Variants in SHROOM2 observed in about 807,000 individuals in gnomAD.
The protein encoded by SHROOM2 is shroom family member 2, also known as protein Shroom2.
In SHROOM2, 33 loss-of-function variants were observed where a neutral mutation model predicts 75.9. The ratio of observed to expected loss-of-function variants is 0.43; its 90% CI spans 0.33 to 0.58. SHROOM2 has a LOEUF of 0.58. Ranked by LOEUF, SHROOM2 falls within the 20% of genes least tolerant of loss-of-function variation. The pLI is 0.04. For missense variants in SHROOM2, 1,434 were observed against 1,461.2 expected (o/e 0.98, Z 0.30); for synonymous variants, 655 against 663.6 (o/e 0.99, Z 0.20).
At chrX:9,897,865 T>G (rs778414348) in intron 4 of SHROOM2, among the ~76,000 whole-genome samples, 7 of 111,867 alleles carry the variant, frequency 6.3e-5, no homozygotes, top group Non-Finnish European at 1.3e-4. Context: ...CCTCTGAGAA[T>G]TCCATGCTTG....
At chrX:9,836,350 C>T (rs758174652) in intron 1 of SHROOM2, among the ~76,000 whole-genome samples, 72 of 111,506 alleles carry the variant, frequency 6.5e-4, no homozygotes, top group African/African-American at 2.2e-3. Flanking sequence ...ACATAGACAG[C>T]GCTCAACAGA....
At chrX:9,944,166 TTAAA>T (rs2084796175) in intron 8 of SHROOM2, among the ~76,000 whole-genome samples, 2 of 112,013 alleles carry the variant, frequency 1.8e-5, no homozygotes, top group Non-Finnish European at 3.8e-5. Context: ...AAAATAAAAA[TTAAA>T]TAAATAAAAA....
chrX:9,875,004 C>G (rs1267128401), intron 2 of SHROOM2, among the ~76,000 whole-genome samples: 1 of 90,738 alleles, frequency 1.1e-5, no homozygotes, highest in Non-Finnish European at 2.1e-5. Flanking sequence ...TTCTTTGAGC[C>G]TGGGAGGTCG....
In SHROOM2 at chrX:9,894,809, G is replaced by A; in HGVS notation, c.901G>A (p.Val301Ile). The stretch of plus-strand genomic sequence containing the variant: ...CCCTGGGAGGTCCAATTTTGGGCCA[G>A]TCTGGTATGTTCCCGATAAGAAGAA... ...AAPGRSNFGP[V>I]WYVPDKKKAP... Residue 301 changes from valine to isoleucine, a missense_variant, in exon 4 of 10, where the codon GTC becomes ATC. Physicochemically the swap from Val to Ile is conservative, Grantham distance 29. This residue lies in a region of SHROOM2 where 1,340 missense variants were observed against 1,338.3 expected (regional missense o/e 1.00). Transcript: ENST00000380913. 2.5e-6 allele frequency: 3 copies of A among 1,212,131 alleles called. No homozygotes were observed. The highest frequency in any genetic ancestry group is 5.9e-5 in the East Asian group (2 of 33,838).
intron 1 of SHROOM2, 97 bp downstream of exon 1, chrX:9,786,807 C>T (rs1483242838): frequency 9.1e-6 from 6 of 658,799 alleles, no homozygotes; most frequent in African/African-American, 2.4e-5. Context: ...TAGGCTCGCG[C>T]CCCCGGGTCT....
intron 5 of SHROOM2, among the ~76,000 whole-genome samples, chrX:9,908,976 A>AAATAAATAAATAAATAAATAAAT (rs2084406549): frequency 2.6e-5 from 2 of 76,068 alleles, no homozygotes; most frequent in Non-Finnish European, 5.6e-5. Context: ...AATAAATAAA[A>AAATAAATAAATAAATAAATAAAT]ACAAAAATAA....
At chrX:9,880,835 A>G (rs1487148998) in intron 2 of SHROOM2, among the ~76,000 whole-genome samples, 1 of 111,524 alleles carries the variant, frequency 9.0e-6, no homozygotes, top group Non-Finnish European at 1.9e-5. Flanking sequence ...ACCCACACAC[A>G]CTCAAACCCC....
rs1274481021 is a variant in SHROOM2 at position 9,891,018 on chromosome X, C to G, written c.359C>G (p.Thr120Ser). Reference sequence around the variant, plus strand: ...TGGAGGCCTCACTCCTGGCATGCCACCAAGTTCTCTGACAGCCACCCCGAG... The same window carrying G: ...TGGAGGCCTCACTCCTGGCATGCCAGCAAGTTCTCTGACAGCCACCCCGAG... ...LGWRPHSWHA[T>S]KFSDSHPELA... The change falls in exon 3 of 10, where the codon ACC becomes AGC. Residue 120 changes from threonine (T) to serine (S), a missense_variant. Thr to Ser is a moderately conservative substitution (Grantham distance 58). This residue lies in a region of SHROOM2 where 1,340 missense variants were observed against 1,338.3 expected (regional missense o/e 1.00). Transcript: ENST00000380913. The G allele has an allele frequency of 5.8e-6, 7 of 1,204,226 alleles. No individual in the cohort carries two copies. The Admixed American group carries it at 1.3e-4, about 23-fold the overall frequency.
Position 9,947,882 on chromosome X carries a change from C to G in SHROOM2, c.*945C>G, listed in dbSNP as rs976705682. On this transcript the variant is annotated 3_prime_UTR_variant, in exon 10 of 10. Coordinates refer to ENST00000380913, the MANE Select transcript of SHROOM2 (RefSeq NM_001649.4). ...TGGCATGAGGGCCACATTCCATGGA[C>G]GGGAAGACCCCTTCCTCTTCAGAGG... The G allele has an allele frequency of 8.9e-6, 1 of 112,274 alleles. No individual in the cohort carries two copies. The highest frequency in any genetic ancestry group is 1.9e-5 in the Non-Finnish European group (1 of 53,322). The allele number at this position is 112,274 out of a possible 1,213,427, so 9.3% of individuals were successfully genotyped here. A position where few individuals can be genotyped will look rare whatever the true frequency, so the allele number is the denominator to read the frequency against.
chrX:9,905,262 C>G (rs1182987019), intron 5 of SHROOM2, among the ~76,000 whole-genome samples: 1 of 112,895 alleles, frequency 8.9e-6, no homozygotes, highest in Non-Finnish European at 1.9e-5. Context: ...TTTAGCTCAT[C>G]TGTTTTCTGA....
chrX:9,817,331 A>G (rs1169382431), intron 1 of SHROOM2, among the ~76,000 whole-genome samples: 1 of 109,489 alleles, frequency 9.1e-6, no homozygotes, highest in East Asian at 2.8e-4. Context: ...TTGTAATTTA[A>G]ATCATAAGGG....
intron 7 of SHROOM2, among the ~76,000 whole-genome samples, chrX:9,938,591 C>G: frequency 8.9e-6 from 1 of 112,339 alleles, no homozygotes; most frequent in Non-Finnish European, 1.9e-5. Flanking sequence ...CAATTTACAC[C>G]TGCCTGAACA....
At chrX:9,913,024 C>G (rs1451407368) in intron 5 of SHROOM2, 1 of 112,620 alleles carries the variant, frequency 8.9e-6, no homozygotes. Context: ...GAGCCATCAT[C>G]TGCTCTGATG....
chrX:9,896,519 G>C lies in SHROOM2; in HGVS notation c.2611G>C (p.Gly871Arg). ...GACTTCAGACCTGCCGCGGAGGCTC[G>C]GCACCTTTGCAGAGTATCAGGCCTC... ...AGTSDLPRRL[G>R]TFAEYQASWK... The change falls in exon 4 of 10, where the codon GGC becomes CGC. Residue 871 changes from glycine (G) to arginine (R), a missense_variant. Coordinates refer to ENST00000380913, the MANE Select transcript of SHROOM2 (RefSeq NM_001649.4). 1 of 1,210,611 alleles carries C rather than the reference G, an allele frequency of 8.3e-7. No individual in the cohort carries two copies. The highest frequency in any genetic ancestry group is 1.8e-5 in the South Asian group (1 of 56,802).
At chrX:9,929,950 C>T (rs1224896132) in intron 5 of SHROOM2, among the ~76,000 whole-genome samples, 10 of 111,347 alleles carry the variant, frequency 9.0e-5, no homozygotes, top group Non-Finnish European at 5.7e-5. Flanking sequence ...TTTCTCTTGC[C>T]ACTGCCATGT....
At chrX:9,929,391 G>A (rs1023739213) in intron 5 of SHROOM2, among the ~76,000 whole-genome samples, 13 of 111,922 alleles carry the variant, frequency 1.2e-4, no homozygotes, top group African/African-American at 2.6e-4. Flanking sequence ...GGGAAGTGAC[G>A]ATGCAGCACA....
intron 1 of SHROOM2, among the ~76,000 whole-genome samples, chrX:9,869,977 C>T (rs1426292628): frequency 9.0e-6 from 1 of 111,434 alleles, no homozygotes; most frequent in Non-Finnish European, 1.9e-5. Context: ...CAGCACTTTG[C>T]GAGGCCAAGG....
At chrX:9,859,074 C>T (rs1187228588) in intron 1 of SHROOM2, among the ~76,000 whole-genome samples, 3 of 110,452 alleles carry the variant, frequency 2.7e-5, no homozygotes, top group South Asian at 3.9e-4. Context: ...ATTAGCTGGG[C>T]GTGGTGGCAA....
intron 1 of SHROOM2, among the ~76,000 whole-genome samples, chrX:9,836,484 T>TTCTC (rs200921022): frequency 9.5e-6 from 1 of 105,586 alleles, no homozygotes; most frequent in African/African-American, 3.4e-5. Context: ...ACCCCCCAGC[T>TTCTC]TCTCTCTCTC....
Sources: allele counts gnomAD v4.1 joint callset (sites outside exome capture counted in the v4.1 genomes callset), GRCh38; gene constraint gnomAD v4.1.1; regional missense constraint gnomAD v4.1.1; transcripts MANE v1.5; gene names NCBI Gene and HGNC (gene_info 2026-07-23, HGNC 2026-07-21).